IGSF10: variants seen among roughly 807,000 people sequenced by gnomAD.
The protein encoded by IGSF10 is immunoglobulin superfamily member 10, also known as calvaria mechanical force protein 608.
A neutral mutation model predicts 128.2 loss-of-function variants in IGSF10; 126 were observed. That is an observed-to-expected ratio of 0.98 (90% CI 0.85 to 1.14). IGSF10 has a LOEUF of 1.14. IGSF10 is among the 50% of genes most tolerant of loss of function. The pLI, the probability that IGSF10 is intolerant of heterozygous loss-of-function variation, is 0.00. For missense variants in IGSF10, 3,295 were observed against 3,149.8 expected, an observed-to-expected ratio of 1.05 and a Z score of -1.10; for synonymous variants, 1,185 against 1,146.2, an observed-to-expected ratio of 1.03 and a Z score of -0.68.
At chr3:151,478,673 A>G in the IGSF10 span, among the ~76,000 whole-genome samples, 1 of 152,232 alleles carries the variant, frequency 6.6e-6, no homozygotes, top group Non-Finnish European at 1.5e-5. Context: ...TCTGATCATC[A>G]TAAGAAGACA....
downstream of IGSF10, chr3:151,435,135 T>C (rs1719990146): frequency 6.7e-6 from 1 of 150,092 alleles, no homozygotes; most frequent in African/African-American, 2.4e-5. Context: ...GGTAAAGCCC[T>C]GTGGCAGAAC....
chr3:151,437,398 T>G lies in IGSF10; in HGVS notation c.7163A>C (p.Tyr2388Ser). The change falls in exon 8 of 8, where the codon TAT becomes TCT. Residue 2388 changes from tyrosine to serine, a missense_variant. Transcript: ENST00000282466. The stretch of plus-strand genomic sequence containing the variant: ...AAAAGAACCATTGCTTGCTATCAGA[T>G]ACTGATAACTTTGTGGTCCATTGGA... ...RFSNGPQSYQ[Y>S]LIASNGSFII... 6.2e-7 allele frequency: 1 copy of G among 1,613,930 alleles called. No homozygotes were observed.
the IGSF10 span, among the ~76,000 whole-genome samples, chr3:151,529,250 C>T: frequency 6.6e-6 from 1 of 152,186 alleles, no homozygotes; most frequent in Non-Finnish European, 1.5e-5. Context: ...GGACAGAGCC[C>T]CTGGGGGAAG....
the IGSF10 span, among the ~76,000 whole-genome samples, chr3:151,555,716 C>T: frequency 6.6e-6 from 1 of 152,282 alleles, no homozygotes; most frequent in South Asian, 2.1e-4. Context: ...TTTCTGCTTG[C>T]CAGCATGATT....
the IGSF10 span, among the ~76,000 whole-genome samples, chr3:151,598,811 A>G: frequency 2.0e-4 from 31 of 152,222 alleles, no homozygotes; most frequent in African/African-American, 7.2e-4. Flanking sequence ...TGTTAATACC[A>G]TAGGTATCTA....
chr3:151,562,019 G>C, the IGSF10 span, among the ~76,000 whole-genome samples: 4 of 152,136 alleles, frequency 2.6e-5, no homozygotes, highest in Non-Finnish European at 5.9e-5. Flanking sequence ...ATCTTGAAAA[G>C]GGGCTGAGTA....
intron 7 of IGSF10, among the ~76,000 whole-genome samples, chr3:151,442,377 A>ATTTT (rs1720905310): frequency 1.4e-5 from 1 of 74,036 alleles, no homozygotes. Flanking sequence ...TTATACAATT[A>ATTTT]CTATTTTTTT....
chr3:151,545,467 G>C, the IGSF10 span, among the ~76,000 whole-genome samples: 2 of 152,220 alleles, frequency 1.3e-5, no homozygotes, highest in Non-Finnish European at 2.9e-5. Context: ...TTTGCTCTGA[G>C]TGCTAAATAA....
rs1307568288 is a variant in IGSF10, at chr3:151,442,541, C to G, written c.5963+443G>C. On this transcript the variant is annotated intron_variant, in intron 7 of 7. Transcript: ENST00000282466. ...ATTACAGGCGCCCGGCCACCATGCC[C>G]GGCTAATTTTTTTTTTTTTGTACTT... Among the ~76,000 whole-genome samples, 4 of 66,454 alleles carry G rather than the reference C, an allele frequency of 6.0e-5. 1 individual carries two copies. In the South Asian group the frequency reaches 1.9e-3, roughly 32 times the overall value. 43.6% of individuals were successfully genotyped at this position (66,454 alleles called of 152,430 possible).
At position 151,445,167 on chromosome 3, in the gene IGSF10, G is replaced by A. The variant is rs1216014306; in HGVS notation, c.4814C>T (p.Thr1605Ile). Residue 1605 changes from threonine to isoleucine, a missense_variant, in exon 6 of 8, where the codon ACT becomes ATT. Coordinates refer to ENST00000282466, the MANE Select transcript of IGSF10 (RefSeq NM_178822.5). ...LATTGLSEAT[T>I]LVSDWDGQKN... ...CTGTCCATCCCAATCTGAAACAAGA[G>A]TGGTGGCCTCGGACAGGCCTGTAGT... 1 of 1,614,252 alleles carries A rather than the reference G, an allele frequency of 6.2e-7. No individual in the cohort carries two copies. Among genetic ancestry groups the A allele is most frequent in the Non-Finnish European group, 8.5e-7 (1 of 1,180,044 alleles).
At chr3:151,601,143 CAA>C in the IGSF10 span, among the ~76,000 whole-genome samples, 3 of 151,982 alleles carry the variant, frequency 2.0e-5, no homozygotes, top group African/African-American at 7.2e-5. Context: ...GAGATTCACA[CAA>C]GTCTATGTGA....
chr3:151,605,844 G>T, the IGSF10 span, among the ~76,000 whole-genome samples: 1 of 152,166 alleles, frequency 6.6e-6, no homozygotes, highest in African/African-American at 2.4e-5. Flanking sequence ...GCTTTCTATT[G>T]TAGTGGTTTC....
chr3:151,470,750 AG>A, the IGSF10 span, among the ~76,000 whole-genome samples: 1 of 152,140 alleles, frequency 6.6e-6, no homozygotes, highest in South Asian at 2.1e-4. Context: ...GACTAAAAGC[AG>A]CAGCAGCAGT....
chr3:151,509,648 G>T, the IGSF10 span, among the ~76,000 whole-genome samples: 2 of 152,028 alleles, frequency 1.3e-5, no homozygotes, highest in Admixed American at 6.5e-5. Context: ...CGGGTGCAGC[G>T]CACCGTGCAT....
the IGSF10 span, chr3:151,566,053 C>A: frequency 3.3e-5 from 5 of 153,384 alleles, no homozygotes; most frequent in African/African-American, 1.2e-4. Flanking sequence ...GCAACTGAGG[C>A]AGTGCCAATG....
chr3:151,458,911 T>C (rs947110859), intron 2 of IGSF10, among the ~76,000 whole-genome samples: 3 of 152,196 alleles, frequency 2.0e-5, no homozygotes, highest in Non-Finnish European at 4.4e-5. Context: ...TATGATCAAG[T>C]GGGATATTTA....
chr3:151,534,323 T>C, the IGSF10 span, among the ~76,000 whole-genome samples: 2 of 152,204 alleles, frequency 1.3e-5, no homozygotes, highest in African/African-American at 4.8e-5. Context: ...CAAAGGATTA[T>C]AAATCATTCT....
chr3:151,438,652 G>C, intron 7 of IGSF10, 55 bp from the exon 8 acceptor site: 1 of 1,407,240 alleles, frequency 7.1e-7, no homozygotes, highest in Admixed American at 2.0e-5. Context: ...GAGGGAAACT[G>C]TTTTACTCAG....
chr3:151,581,765 C>A, the IGSF10 span, among the ~76,000 whole-genome samples: 1 of 152,160 alleles, frequency 6.6e-6, no homozygotes, highest in Non-Finnish European at 1.5e-5. Flanking sequence ...ACGGTGACTG[C>A]ATTTGTAGAA....
Sources: allele counts gnomAD v4.1 joint callset (sites outside exome capture counted in the v4.1 genomes callset), GRCh38; gene constraint gnomAD v4.1.1; transcripts MANE v1.5; gene names NCBI Gene and HGNC (gene_info 2026-07-23, HGNC 2026-07-21).